The following GOLGB1 variants were observed in gnomAD, a reference collection of about 807,000 sequenced individuals.
GOLGB1 encodes golgin B1.
A neutral mutation model predicts 336.9 loss-of-function variants in GOLGB1; 174 were observed. The ratio of observed to expected loss-of-function variants is 0.52; its 90% CI spans 0.46 to 0.59. GOLGB1 has a LOEUF of 0.59. Among genes scored for constraint, GOLGB1 ranks in the 20% least tolerant of loss-of-function variants. The pLI is 0.00. For synonymous variants in GOLGB1, 1,208 were observed against 1,289.2 expected, an observed-to-expected ratio of 0.94 and a Z score of 1.35; for missense variants, 3,331 against 3,645.3, an observed-to-expected ratio of 0.91 and a Z score of 2.22.
At chr3:121,668,801 C>T (rs745408753) in intron 18 of GOLGB1, among the ~76,000 whole-genome samples, 22 of 151,834 alleles carry the variant, frequency 1.4e-4, no homozygotes, top group Non-Finnish European at 2.2e-4. Flanking sequence ...GTATCCTATA[C>T]GTCTCCATAC....
At chr3:121,682,630 T>A (rs1438110899) in intron 14 of GOLGB1, among the ~76,000 whole-genome samples, 2 of 152,160 alleles carry the variant, frequency 1.3e-5, no homozygotes, top group Non-Finnish European at 2.9e-5. Context: ...TCTCCAATAC[T>A]CATTAAAAGC....
At chr3:121,747,356 T>G (rs1158177225) in intron 1 of GOLGB1, among the ~76,000 whole-genome samples, 5 of 145,458 alleles carry the variant, frequency 3.4e-5, no homozygotes, top group Admixed American at 1.4e-4. Flanking sequence ...TATGTGTATA[T>G]ACGTATATAT....
At chr3:121,738,041 T>A (rs1369713956) in intron 1 of GOLGB1, among the ~76,000 whole-genome samples, 1 of 152,164 alleles carries the variant, frequency 6.6e-6, no homozygotes, top group Admixed American at 6.5e-5. Context: ...GATTAAAAAA[T>A]CACAATTCAG....
chr3:121,682,566 C>G (rs1419246231), intron 14 of GOLGB1, among the ~76,000 whole-genome samples: 2 of 152,098 alleles, frequency 1.3e-5, no homozygotes, highest in African/African-American at 4.8e-5. Context: ...ACAGACTTGC[C>G]TTTAATTAAC....
chr3:121,725,442 T>G (rs936188988), intron 5 of GOLGB1, among the ~76,000 whole-genome samples: 4 of 152,226 alleles, frequency 2.6e-5, no homozygotes, highest in African/African-American at 9.6e-5. Flanking sequence ...CTCTTTCTTC[T>G]TGCCTAGTTC....
intron 2 of GOLGB1, among the ~76,000 whole-genome samples, chr3:121,730,542 C>T (rs1244574603): frequency 6.6e-6 from 1 of 152,090 alleles, no homozygotes; most frequent in Non-Finnish European, 1.5e-5. Context: ...AAAGGTGTTC[C>T]AGTTTCCTCA....
chr3:121,718,390 G>T lies in GOLGB1; in HGVS notation c.883C>A (p.Gln295Lys). Reference protein sequence around the residue: ...QELTAAEQRNQILSQQLQQME... With the variant: ...QELTAAEQRNKILSQQLQQME... ...AAGTAAAGATTAAAAGGCAGTACCT[G>T]GTTTCTCTGCTCAGCAGCAGTCAGC... The change falls in exon 8 of 22, where the codon CAG becomes AAG. Residue 295 changes from glutamine (Q) to lysine (K), a missense_variant and splice_region_variant. Coordinates refer to ENST00000614479, the MANE Select transcript of GOLGB1 (RefSeq NM_001366282.2). 1 of 1,597,652 alleles carries T rather than the reference G, an allele frequency of 6.3e-7. No homozygotes were observed.
chr3:121,690,953 C>CT lies in GOLGB1; in HGVS notation c.8410dup (p.Ser2804LysfsTer6), dbSNP rs1942355693. 2.5e-6 allele frequency: 4 copies of CT among 1,614,202 alleles called. No homozygotes were observed. In the Admixed American group the frequency reaches 6.7e-5, roughly 27 times the overall value. On this transcript the variant is annotated frameshift_variant, in exon 14 of 22. Transcript: ENST00000614479. LOFTEE classifies it high-confidence loss of function. Reference sequence around the variant, plus strand: ...GTTAAGTTTCTCAAGGTGAGACAAGCTATTCTCCTCAGTGGAGTTCATTGA... The same window carrying CT: ...GTTAAGTTTCTCAAGGTGAGACAAGCTTATTCTCCTCAGTGGAGTTCATTGA...
In GOLGB1 at chr3:121,692,188, C is replaced by G; in HGVS notation, c.7176G>C (p.Leu2392=). The change falls in exon 14 of 22, where the codon CTG becomes CTC. Residue 2392 remains leucine, a synonymous_variant. Coordinates refer to ENST00000614479, the MANE Select transcript of GOLGB1 (RefSeq NM_001366282.2). The part of the protein sequence containing the change: ...INMKEQKIIS[L]LSGKEEAIQV... ...GGATTGCCTCTTCCTTGCCAGAAAG[C>G]AGGCTTATAATCTTTTGCTCTTTCA... 6.2e-7 allele frequency: 1 copy of G among 1,603,354 alleles called. No individual in the cohort carries two copies. The highest frequency in any genetic ancestry group is 8.5e-7 in the Non-Finnish European group (1 of 1,177,116).
Position 121,691,535 on chromosome 3 carries a change from T to C in GOLGB1, c.7829A>G (p.Glu2610Gly), listed in dbSNP as rs568370596. The C allele has an allele frequency of 1.2e-6, 2 of 1,612,632 alleles. No homozygotes were observed. Among genetic ancestry groups the C allele is most frequent in the East Asian group, 2.2e-5 (1 of 44,868 alleles). ...CTGGGATATAGATACTTTCAAACTCTCAATCTCTTTAGATAAATCTTGTTT... is the reference window on the plus strand; with the variant it reads ...CTGGGATATAGATACTTTCAAACTCCCAATCTCTTTAGATAAATCTTGTTT... ...EEKQDLSKEI[E>G]SLKVSISQLT... The change falls in exon 14 of 22, where the codon GAG (glutamate) becomes GGG (glycine). Residue 2610 changes from glutamate to glycine, a missense_variant. By Grantham distance (98) the Glu-to-Gly change is moderately conservative (BLOSUM62 -2). Transcript: ENST00000614479.
rs1312115664 is a variant in GOLGB1 at position 121,664,522 on chromosome 3, C to G, written c.9753G>C (p.Met3251Ile). Residue 3251 changes from methionine (M) to isoleucine (I), a missense_variant, in exon 22 of 22, where the codon ATG becomes ATC. Coordinates refer to ENST00000614479, the MANE Select transcript of GOLGB1 (RefSeq NM_001366282.2). ...AACACAGAATGAGCAGGACATGAATCATTAGAAAGTAGATGGCTGCTAGAA... is the reference window on the plus strand; with the variant it reads ...AACACAGAATGAGCAGGACATGAATGATTAGAAAGTAGATGGCTGCTAGAA... ...VPLLAAIYFL[M>I]IHVLLILCFT... 1 of 1,613,782 alleles carries G rather than the reference C, an allele frequency of 6.2e-7. No individual in the cohort carries two copies. Among genetic ancestry groups the G allele is most frequent in the Non-Finnish European group, 8.5e-7 (1 of 1,179,692 alleles).
chr3:121,693,289 C>T (rs2107801760), intron 13 of GOLGB1, among the ~76,000 whole-genome samples: 1 of 152,210 alleles, frequency 6.6e-6, no homozygotes, highest in Non-Finnish European at 1.5e-5. Flanking sequence ...GAGTTCGAGA[C>T]CAGCCTGGCC....
intron 1 of GOLGB1, among the ~76,000 whole-genome samples, chr3:121,745,720 A>T (rs1947241373): frequency 6.6e-6 from 1 of 152,208 alleles, no homozygotes; most frequent in Admixed American, 6.5e-5. Context: ...AAAGAATAAA[A>T]CACAGAGCTT....
rs1390488035 is a variant in GOLGB1, at chr3:121,743,426, G to C, written c.-3+6206C>G. The stretch of plus-strand genomic sequence containing the variant: ...GGGAATTGAACAATGAGAACACTTG[G>C]ACACAGGGCAGGGAACATAACACAC... On this transcript the variant is annotated intron_variant, in intron 1 of 21. Transcript: ENST00000614479. Among the ~76,000 whole-genome samples, 3 of 152,308 alleles carry C rather than the reference G, an allele frequency of 2.0e-5. No individual in the cohort carries two copies. The East Asian group carries it at 5.8e-4, about 29-fold the overall frequency.
chr3:121,694,008 T>C lies in GOLGB1; in HGVS notation c.6515A>G (p.Asn2172Ser). Residue 2172 changes from asparagine to serine, a missense_variant, in exon 13 of 22, where the codon AAC becomes AGC. Asn to Ser is a conservative substitution (Grantham distance 46). Transcript: ENST00000614479. Reference protein sequence around the residue: ...ETIGEIQVTLNKKDKEVQQLQ... With the variant: ...ETIGEIQVTLSKKDKEVQQLQ... ...TTGCTGAACTTCCTTGTCTTTCTTGTTCAAAGTAACCTGAATCTCTCCAAT... is the reference window on the plus strand; with the variant it reads ...TTGCTGAACTTCCTTGTCTTTCTTGCTCAAAGTAACCTGAATCTCTCCAAT... 6.2e-7 allele frequency: 1 copy of C among 1,614,158 alleles called. No homozygotes were observed. Among genetic ancestry groups the C allele is most frequent in the Non-Finnish European group, 8.5e-7 (1 of 1,180,024 alleles).
In GOLGB1 at chr3:121,730,028, G is replaced by T; in HGVS notation, c.97-11C>A. On this transcript the variant is annotated splice_polypyrimidine_tract_variant and intron_variant, in intron 2 of 21. Transcript: ENST00000614479. ...TTCTTGGTGTAATTCCTAATATTTA[G>T]GAAAAAAGTTGCCAGTGCACCAGGA... The T allele has an allele frequency of 6.3e-7, 1 of 1,595,664 alleles. No individual in the cohort carries two copies. Among genetic ancestry groups the T allele is most frequent in the Non-Finnish European group, 8.5e-7 (1 of 1,171,520 alleles).
chr3:121,697,375 C>T lies in GOLGB1; in HGVS notation c.3148G>A (p.Glu1050Lys), dbSNP rs1357519852. The T allele has an allele frequency of 6.2e-7, 1 of 1,613,428 alleles. No homozygotes were observed. Among genetic ancestry groups the T allele is most frequent in the African/African-American group, 1.3e-5 (1 of 74,884 alleles). Residue 1050 changes from glutamate to lysine, a missense_variant, in exon 13 of 22, where the codon GAA becomes AAA. Glu to Lys is a moderately conservative substitution (Grantham distance 56). Coordinates refer to ENST00000614479, the MANE Select transcript of GOLGB1 (RefSeq NM_001366282.2). ...GEVEEDKENK[E>K]YSEKCVTSKC... ...GAAGTCACACATTTTTCTGAGTATT[C>T]TTTGTTTTCTTTATCTTCTTCCACT...
chr3:121,710,004 A>C (rs1427932788), intron 10 of GOLGB1, among the ~76,000 whole-genome samples: 1 of 151,770 alleles, frequency 6.6e-6, no homozygotes, highest in Non-Finnish European at 1.5e-5. Flanking sequence ...TGTAACCAAC[A>C]TTATGACAAA....
At chr3:121,705,688 G>C (rs1419033130) in intron 10 of GOLGB1, among the ~76,000 whole-genome samples, 1 of 152,192 alleles carries the variant, frequency 6.6e-6, no homozygotes, top group Non-Finnish European at 1.5e-5. Flanking sequence ...GATCTGCAAA[G>C]GGACTGAACA....
Sources: gnomAD v4.1 joint callset for allele counts (sites outside exome capture counted in the v4.1 genomes callset) on GRCh38, gnomAD v4.1.1 for gene constraint, MANE v1.5 for transcripts, NCBI Gene and HGNC (gene_info 2026-07-23, HGNC 2026-07-21) for gene names.